MAGI2: variants seen among roughly 807,000 people sequenced by gnomAD.
The protein encoded by MAGI2 is membrane-associated guanylate kinase, WW and PDZ domain-containing protein 2.
In MAGI2, 35 loss-of-function variants were observed where a neutral mutation model predicts 133.3. The observed-to-expected ratio is 0.26, with a 90% confidence interval of 0.20 to 0.35. The LOEUF (loss-of-function observed/expected upper bound fraction) is 0.35. MAGI2 is among the 10% of genes least tolerant of loss of function. The pLI is 1.00. For missense variants in MAGI2, 1,636 were observed against 1,863.4 expected (o/e 0.88, Z 2.25); for synonymous variants, 729 against 710.6 (o/e 1.03, Z -0.41).
chr7:78,275,753 A>G (rs868720277), intron 9 of MAGI2, among the ~76,000 whole-genome samples: 59 of 152,324 alleles, frequency 3.9e-4, no homozygotes, highest in Middle Eastern at 3.4e-3. Flanking sequence ...AATTATTAGT[A>G]ATAGGACTGG....
chr7:78,638,124 TA>T (rs1201883735), intron 2 of MAGI2, among the ~76,000 whole-genome samples: 1 of 151,790 alleles, frequency 6.6e-6, no homozygotes, highest in Non-Finnish European at 1.5e-5. Context: ...TCACCTGAAC[TA>T]AAAAACCTGT....
intron 1 of MAGI2, among the ~76,000 whole-genome samples, chr7:79,420,663 A>G (rs544133333): frequency 6.6e-6 from 1 of 152,132 alleles, no homozygotes; most frequent in South Asian, 2.1e-4. Flanking sequence ...AAAGTCTTCA[A>G]CGGAGCTGAC....
At chr7:79,073,746 C>T (rs1052036367) in intron 1 of MAGI2, among the ~76,000 whole-genome samples, 2 of 151,556 alleles carry the variant, frequency 1.3e-5, no homozygotes, top group African/African-American at 2.4e-5. Context: ...CTGGGCACCC[C>T]CCTGCCCCTC....
chr7:78,392,369 A>C (rs1392700291), intron 6 of MAGI2, among the ~76,000 whole-genome samples: 1 of 152,126 alleles, frequency 6.6e-6, no homozygotes, highest in Non-Finnish European at 1.5e-5. Flanking sequence ...GATGGGGAAA[A>C]GTGTGTGAGA....
At chr7:78,646,476 T>C in intron 2 of MAGI2, among the ~76,000 whole-genome samples, 1 of 152,342 alleles carries the variant, frequency 6.6e-6, no homozygotes, top group East Asian at 1.9e-4. Flanking sequence ...TTTAGCATGT[T>C]TTCTCTCCTA....
chr7:78,183,828 A>C (rs1251966917), intron 13 of MAGI2, among the ~76,000 whole-genome samples: 1 of 152,216 alleles, frequency 6.6e-6, no homozygotes, highest in Non-Finnish European at 1.5e-5. Flanking sequence ...TTGGCTTCCC[A>C]AATGCTGAGA....
chr7:79,310,196 G>GAAAAAAAAAAAAAAAA (rs1838168417), intron 1 of MAGI2, among the ~76,000 whole-genome samples: 2 of 40,118 alleles, frequency 5.0e-5, no homozygotes, highest in Non-Finnish European at 4.2e-5. Context: ...AAAAAAAAAA[G>GAAAAAAAAAAAAAAAA]AGAGAGAGAG....
chr7:79,228,090 A>AT (rs1831009897), intron 1 of MAGI2, among the ~76,000 whole-genome samples: 1 of 152,068 alleles, frequency 6.6e-6, no homozygotes, highest in Non-Finnish European at 1.5e-5. Flanking sequence ...TACATCTGTA[A>AT]TTGCAGCTAC....
intron 6 of MAGI2, among the ~76,000 whole-genome samples, chr7:78,402,703 T>C (rs1797001300): frequency 2.0e-5 from 3 of 152,222 alleles, no homozygotes; most frequent in Non-Finnish European, 4.4e-5. Context: ...AACCAACTAA[T>C]TTTAATTCTT....
chr7:79,012,280 C>G (rs373315185), intron 1 of MAGI2: 6 of 152,104 alleles, frequency 3.9e-5, no homozygotes, highest in Non-Finnish European at 8.8e-5. Context: ...GATAAGAATG[C>G]CTTCCCTTTG....
intron 1 of MAGI2, among the ~76,000 whole-genome samples, chr7:79,026,571 C>T (rs546366848): frequency 2.0e-5 from 3 of 151,906 alleles, no homozygotes; most frequent in African/African-American, 7.2e-5. Flanking sequence ...ACAAACAACC[C>T]AACTTAAAAA....
chr7:78,670,518 T>C lies in MAGI2; in HGVS notation c.419-43279A>G, dbSNP rs557991344. ...TGCCCAAGGTAATTTATAGATTCAA[T>C]GCCATCCCCATCAAGCTACCAATGA... On this transcript the variant is annotated intron_variant, in intron 2 of 21. Transcript: ENST00000354212. 5.3e-5 allele frequency among the ~76,000 whole-genome samples: 8 copies of C among 152,290 alleles called. No homozygotes were observed. The East Asian group carries it at 1.5e-3, about 29-fold the overall frequency.
intron 2 of MAGI2, among the ~76,000 whole-genome samples, chr7:78,657,765 T>A (rs555989026): frequency 6.6e-6 from 1 of 152,284 alleles, no homozygotes; most frequent in East Asian, 1.9e-4. Context: ...TCCAGACTCA[T>A]AGAATATACA....
At chr7:79,444,400 T>C (rs1178313759) in intron 1 of MAGI2, among the ~76,000 whole-genome samples, 1 of 152,178 alleles carries the variant, frequency 6.6e-6, no homozygotes, top group African/African-American at 2.4e-5. Context: ...GACATGATTG[T>C]ATATCAGAAA....
rs75321298 is a variant in MAGI2, at chr7:78,094,442, T to C, written c.3568-15357A>G. 7.4e-3 allele frequency among the ~76,000 whole-genome samples: 1,121 copies of C among 152,302 alleles called. 10 individuals are homozygous for C. The highest frequency in any genetic ancestry group is 0.026 in the African/African-American group (1,075 of 41,552). On this transcript the variant is annotated intron_variant, in intron 20 of 21. Transcript: ENST00000354212. ...CTTGTGGAGGCTGGCCCCTCCTGCA[T>C]TGTCCCTGTACAATCTTGCATTGTT...
At chr7:78,037,072 A>G (rs567869464) in intron 21 of MAGI2, among the ~76,000 whole-genome samples, 3 of 152,078 alleles carry the variant, frequency 2.0e-5, no homozygotes, top group South Asian at 4.2e-4. Context: ...CACCTGGATA[A>G]CCCCCCTGTG....
intron 1 of MAGI2, among the ~76,000 whole-genome samples, chr7:79,253,143 C>G (rs1455649051): frequency 2.0e-5 from 3 of 152,058 alleles, no homozygotes; most frequent in African/African-American, 7.2e-5. Context: ...CGTACAAACT[C>G]CAGAAAGTGT....
At chr7:78,362,195 G>T (rs547501627) in intron 7 of MAGI2, among the ~76,000 whole-genome samples, 1 of 152,056 alleles carries the variant, frequency 6.6e-6, no homozygotes, top group African/African-American at 2.4e-5. Flanking sequence ...CCAGCTACTC[G>T]GGAGGCTGTG....
At chr7:79,218,932 C>T (rs768546422) in intron 1 of MAGI2, among the ~76,000 whole-genome samples, 8 of 151,970 alleles carry the variant, frequency 5.3e-5, no homozygotes, top group African/African-American at 9.7e-5. Context: ...GAAATTTTCC[C>T]GAATATTGCT....
Sources: allele counts gnomAD v4.1 joint callset (sites outside exome capture counted in the v4.1 genomes callset), GRCh38; gene constraint gnomAD v4.1.1; transcripts MANE v1.5; gene names NCBI Gene and HGNC (gene_info 2026-07-23, HGNC 2026-07-21).